The following FAM120C variants were observed in gnomAD, a reference collection of about 807,000 sequenced individuals.
FAM120C encodes the protein family with sequence similarity 120 member C.
A neutral mutation model predicts 71.2 loss-of-function variants in FAM120C; 14 were observed. That is an observed-to-expected ratio of 0.20 (90% CI 0.13 to 0.31). FAM120C has a LOEUF of 0.31. Ranked by LOEUF, FAM120C falls within the 10% of genes least tolerant of loss-of-function variation. The pLI is 1.00. For synonymous variants in FAM120C, 354 were observed against 353.2 expected (o/e 1.00, Z -0.03); for missense variants, 500 against 879.0 (o/e 0.57, Z 5.45).
intron 15 of FAM120C, among the ~76,000 whole-genome samples, chrX:54,076,677 C>T (rs1557120715): frequency 8.9e-6 from 1 of 111,773 alleles, no homozygotes; most frequent in Non-Finnish European, 1.9e-5. Context: ...TGTCACTTTC[C>T]TCATCTGTAA....
intron 10 of FAM120C, among the ~76,000 whole-genome samples, chrX:54,096,348 T>C (rs1305841659): frequency 9.0e-6 from 1 of 110,926 alleles, no homozygotes; most frequent in Non-Finnish European, 1.9e-5. Flanking sequence ...GAGGCGGAGG[T>C]TGTAGTAAGC....
chrX:54,136,146 C>T (rs1557130507), intron 5 of FAM120C, among the ~76,000 whole-genome samples: 2 of 111,052 alleles, frequency 1.8e-5, no homozygotes, highest in African/African-American at 6.5e-5. Context: ...TTACAGGCGC[C>T]TGCCACCACG....
intron 10 of FAM120C, among the ~76,000 whole-genome samples, chrX:54,110,719 T>C (rs1557125555): frequency 9.1e-6 from 1 of 110,165 alleles, no homozygotes. Flanking sequence ...AGTTCAAGAC[T>C]GGGCAACATA....
intron 5 of FAM120C, among the ~76,000 whole-genome samples, chrX:54,136,198 C>T (rs1246599316): frequency 1.8e-5 from 2 of 111,335 alleles, no homozygotes; most frequent in Non-Finnish European, 3.8e-5. Flanking sequence ...CGGAGTTTCA[C>T]CATGTTGGCC....
chrX:54,090,330 C>T (rs931001705), intron 11 of FAM120C, among the ~76,000 whole-genome samples: 4 of 108,999 alleles, frequency 3.7e-5, no homozygotes, highest in South Asian at 4.1e-4. Context: ...CTCCCGGGTT[C>T]GAACAATTCT....
rs146245730 is a variant in FAM120C at position 54,117,028 on chromosome X, T to C, written c.2063-234A>G. 4.9e-3 allele frequency among the ~76,000 whole-genome samples: 551 copies of C among 111,493 alleles called. 2 individuals carry two copies. Among genetic ancestry groups the C allele is most frequent in the African/African-American group, 0.017 (521 of 30,709 alleles). On this transcript the variant is annotated intron_variant, in intron 9 of 15. Transcript: ENST00000375180. ...AAATCCTGAGAGGGAACTATTATGA[T>C]ACATTATCACAAAACAAAAGGCTTA...
chrX:54,181,964 T>G (rs921123456), intron 1 of FAM120C, among the ~76,000 whole-genome samples: 11 of 112,063 alleles, frequency 9.8e-5, no homozygotes, highest in Non-Finnish European at 1.7e-4. Context: ...AGGAAGAAGA[T>G]GCATGTTGAA....
At chrX:54,078,030 G>A (rs2066744664) in intron 15 of FAM120C, among the ~76,000 whole-genome samples, 2 of 89,805 alleles carry the variant, frequency 2.2e-5, no homozygotes, top group South Asian at 6.7e-4. Context: ...TGCAAGCTCC[G>A]CCTCCCGGGT....
chrX:54,086,016 T>C, intron 12 of FAM120C, 100 bp from the exon 13 acceptor site: 1 of 724,719 alleles, frequency 1.4e-6, no homozygotes, highest in Non-Finnish European at 2.1e-6. Flanking sequence ...CTCACAATTC[T>C]ATTCCCATTA....
At chrX:54,182,462 T>C in intron 1 of FAM120C, 38 bp downstream of exon 1, 2 of 1,167,163 alleles carry the variant, frequency 1.7e-6, no homozygotes, top group East Asian at 6.1e-5. Flanking sequence ...AGGGAATAGG[T>C]GTGGGGCTTA....
intron 2 of FAM120C, among the ~76,000 whole-genome samples, chrX:54,158,329 A>AAGT (rs1754749894): frequency 8.9e-6 from 1 of 112,506 alleles, no homozygotes; most frequent in Non-Finnish European, 1.9e-5. Flanking sequence ...TGCTGACTCC[A>AAGT]CTATATTATC....
At position 54,082,560 on chromosome X, in the gene FAM120C, C is replaced by T. The variant is rs1226457983; in HGVS notation, c.2840-1100G>A. On this transcript the variant is annotated intron_variant, in intron 13 of 15. Coordinates refer to ENST00000375180, the MANE Select transcript of FAM120C (RefSeq NM_017848.6). ...AGTAGCTGGGACTACAGGCACATGC[C>T]ACCATGCCCAGCTAATGTTTGTATT... 3.7e-5 allele frequency among the ~76,000 whole-genome samples: 4 copies of T among 108,638 alleles called. No homozygotes were observed. The East Asian group carries it at 1.2e-3, about 33-fold the overall frequency. 94.3% of individuals were successfully genotyped at this position (108,638 alleles called of 115,157 possible).
chrX:54,095,505 C>G (rs945988813), intron 10 of FAM120C, among the ~76,000 whole-genome samples: 1 of 109,920 alleles, frequency 9.1e-6, no homozygotes, highest in Non-Finnish European at 1.9e-5. Context: ...GTCACAATAC[C>G]TTGCTAACTT....
chrX:54,133,756 C>T lies in FAM120C; in HGVS notation c.1890+17G>A. The stretch of plus-strand genomic sequence containing the variant: ...AGTGTTAAGAGCAGGGAGGTAGGTG[C>T]TGATGTGCTGCCTCACCTTAGTGAG... On this transcript the variant is annotated intron_variant, in intron 8 of 15. Transcript: ENST00000375180. 1.7e-6 allele frequency: 2 copies of T among 1,205,997 alleles called. No homozygotes were observed. Among genetic ancestry groups the T allele is most frequent in the Non-Finnish European group, 2.2e-6 (2 of 891,732 alleles).
chrX:54,170,221 C>A, intron 1 of FAM120C, among the ~76,000 whole-genome samples: 1 of 111,334 alleles, frequency 9.0e-6, no homozygotes, highest in Non-Finnish European at 1.9e-5. Context: ...ACTGCAACCT[C>A]CACCTCTGGG....
chrX:54,096,936 C>A (rs919021354), intron 10 of FAM120C, among the ~76,000 whole-genome samples: 2 of 111,678 alleles, frequency 1.8e-5, no homozygotes, highest in Non-Finnish European at 3.8e-5. Context: ...CACCGTTAAT[C>A]ACTGATGATT....
intron 10 of FAM120C, among the ~76,000 whole-genome samples, chrX:54,093,947 A>G (rs940808592): frequency 7.2e-5 from 8 of 111,419 alleles, no homozygotes; most frequent in Non-Finnish European, 1.1e-4. Flanking sequence ...TATAAGTTAT[A>G]CATAAGAATA....
intron 1 of FAM120C, among the ~76,000 whole-genome samples, chrX:54,181,085 A>T (rs782095391): frequency 9.1e-6 from 1 of 109,569 alleles, no homozygotes; most frequent in Non-Finnish European, 1.9e-5. Flanking sequence ...AATTAAAACA[A>T]CTATAATCTA....
chrX:54,097,258 C>T (rs73479119), intron 10 of FAM120C, among the ~76,000 whole-genome samples: 1,162 of 111,890 alleles, frequency 0.01, 14 homozygotes, highest in African/African-American at 0.036. Context: ...GTCTCTGTTC[C>T]TGCCTTTCCA....
Sources: allele counts gnomAD v4.1 joint callset (sites outside exome capture counted in the v4.1 genomes callset), GRCh38; gene constraint gnomAD v4.1.1; transcripts MANE v1.5; gene names NCBI Gene and HGNC (gene_info 2026-07-23, HGNC 2026-07-21).